RBFOX1: variants seen among roughly 807,000 people sequenced by gnomAD.
RBFOX1 encodes RNA binding protein fox-1 homolog 1.
In RBFOX1, 8 loss-of-function variants were observed where a neutral mutation model predicts 57.7. The ratio of observed to expected loss-of-function variants is 0.14; its 90% CI spans 0.08 to 0.25. The LOEUF is 0.25. RBFOX1 is among the 10% of genes least tolerant of loss of function. The probability of loss-of-function intolerance (pLI) is 1.00; values close to 1 mark genes in which losing one functional copy is unlikely to be tolerated. For missense variants in RBFOX1, 611 were observed against 548.5 expected (o/e 1.11, Z -1.14); for synonymous variants, 326 against 222.4 (o/e 1.47, Z -4.15).
intron 3 of RBFOX1, among the ~76,000 whole-genome samples, chr16:6,720,887 A>G (rs1218198693): frequency 3.3e-5 from 5 of 152,138 alleles, no homozygotes; most frequent in Admixed American, 6.5e-5. Context: ...CAATCCATCC[A>G]TTTTACCTTA....
chr16:6,551,447 A>G (rs1249334876), intron 2 of RBFOX1, among the ~76,000 whole-genome samples: 4 of 152,232 alleles, frequency 2.6e-5, no homozygotes, highest in Admixed American at 2.0e-4. Flanking sequence ...AAAGGATCGT[A>G]TAATTTTACG....
chr16:7,207,596 C>G (rs2346608), intron 4 of RBFOX1, among the ~76,000 whole-genome samples: 101,299 of 152,124 alleles, frequency 0.67, 35,039 homozygotes, highest in African/African-American at 0.86. Context: ...GACATGGAAA[C>G]TATGACAGCA....
At chr16:6,969,560 C>T (rs1487518476) in intron 3 of RBFOX1, among the ~76,000 whole-genome samples, 2 of 151,626 alleles carry the variant, frequency 1.3e-5, no homozygotes, top group South Asian at 2.1e-4. Context: ...CAAAATGAGA[C>T]CTCGTCTCTA....
chr16:7,195,368 A>T (rs572698847), intron 4 of RBFOX1, among the ~76,000 whole-genome samples: 1 of 152,132 alleles, frequency 6.6e-6, no homozygotes, highest in African/African-American at 2.4e-5. Context: ...CTGGTGTGCA[A>T]ATTTGTCCAC....
chr16:6,374,931 A>G (rs2090968981), intron 2 of RBFOX1, among the ~76,000 whole-genome samples: 1 of 152,224 alleles, frequency 6.6e-6, no homozygotes, highest in East Asian at 1.9e-4. Context: ...CCTGTTAGCA[A>G]CTGGCAGTTT....
intron 2 of RBFOX1, among the ~76,000 whole-genome samples, chr16:6,499,712 C>A (rs1025259685): frequency 6.6e-6 from 1 of 151,856 alleles, no homozygotes; most frequent in Non-Finnish European, 1.5e-5. Flanking sequence ...TGGTTTTCCC[C>A]CTGATTTATT....
At chr16:5,250,550 T>A (rs2151076821) in intron 1 of RBFOX1, among the ~76,000 whole-genome samples, 1 of 152,346 alleles carries the variant, frequency 6.6e-6, no homozygotes, top group East Asian at 1.9e-4. Context: ...GTCCACACCT[T>A]TTTCCTCTGT....
chr16:7,115,273 T>C (rs1350321092), intron 4 of RBFOX1, among the ~76,000 whole-genome samples: 1 of 152,146 alleles, frequency 6.6e-6, no homozygotes, highest in Non-Finnish European at 1.5e-5. Flanking sequence ...CGGTCACTCA[T>C]GGAAAAATGT....
At chr16:7,695,803 C>G (rs1329620157) in intron 14 of RBFOX1, among the ~76,000 whole-genome samples, 1 of 151,904 alleles carries the variant, frequency 6.6e-6, no homozygotes, top group East Asian at 1.9e-4. Context: ...TGACAAAAGA[C>G]AAGTTCTCTA....
intron 3 of RBFOX1, among the ~76,000 whole-genome samples, chr16:6,856,798 T>C (rs1348594958): frequency 6.6e-6 from 1 of 152,162 alleles, no homozygotes; most frequent in African/African-American, 2.4e-5. Flanking sequence ...TGTGTAACAG[T>C]TGGCATTTTA....
At chr16:7,196,925 G>C (rs1177548954) in intron 4 of RBFOX1, among the ~76,000 whole-genome samples, 2 of 152,156 alleles carry the variant, frequency 1.3e-5, no homozygotes, top group African/African-American at 4.8e-5. Flanking sequence ...GTGTGCAGAG[G>C]GGAAGTTGGG....
chr16:6,824,999 T>G (rs1444131567), intron 3 of RBFOX1, among the ~76,000 whole-genome samples: 39 of 113,176 alleles, frequency 3.4e-4, no homozygotes, highest in African/African-American at 1.4e-3. Flanking sequence ...TTTTTTTTTT[T>G]TTTTTTTTTT....
intron 2 of RBFOX1, among the ~76,000 whole-genome samples, chr16:5,565,263 G>A (rs192931541): frequency 6.6e-6 from 1 of 152,282 alleles, no homozygotes; most frequent in Non-Finnish European, 1.5e-5. Context: ...ACTGGTGTGT[G>A]TGTGTGCGTG....
upstream of RBFOX1, among the ~76,000 whole-genome samples, chr16:6,015,895 C>T (rs899039936): frequency 3.9e-5 from 6 of 152,254 alleles, no homozygotes; most frequent in African/African-American, 1.2e-4. Flanking sequence ...TTCTCGAGTG[C>T]AGAAATTGAG....
chr16:5,261,758 G>A (rs1194742690), intron 1 of RBFOX1, among the ~76,000 whole-genome samples: 1 of 152,096 alleles, frequency 6.6e-6, no homozygotes, highest in Admixed American at 6.5e-5. Flanking sequence ...CACCGTGTTA[G>A]CCAGGATGGT....
chr16:7,005,131 C>T (rs376685368), intron 3 of RBFOX1, among the ~76,000 whole-genome samples: 3 of 151,962 alleles, frequency 2.0e-5, no homozygotes, highest in Non-Finnish European at 4.4e-5. Context: ...GTGACAAGAG[C>T]GAGATTCCAT....
At chr16:7,513,301 A>G (rs565392267) in intron 4 of RBFOX1, among the ~76,000 whole-genome samples, 1 of 151,898 alleles carries the variant, frequency 6.6e-6, no homozygotes, top group South Asian at 2.1e-4. Context: ...GAATGAATGA[A>G]TGAATGAAGT....
At chr16:6,770,316 A>C (rs769271022) in intron 3 of RBFOX1, among the ~76,000 whole-genome samples, 8 of 152,132 alleles carry the variant, frequency 5.3e-5, no homozygotes, top group African/African-American at 1.9e-4. Context: ...AACTGTACAA[A>C]TCAAATAATG....
intron 2 of RBFOX1, among the ~76,000 whole-genome samples, chr16:6,613,338 G>A (rs1252477840): frequency 1.3e-5 from 2 of 152,042 alleles, no homozygotes; most frequent in Admixed American, 6.6e-5. Context: ...GAATGCTCAG[G>A]ATGGTGGGGG....
Sources: gnomAD v4.1 joint callset for allele counts (sites outside exome capture counted in the v4.1 genomes callset) on GRCh38, gnomAD v4.1.1 for gene constraint, MANE v1.5 for transcripts, NCBI Gene and HGNC (gene_info 2026-07-23, HGNC 2026-07-21) for gene names.